The following LIPC variants were observed in gnomAD, a reference collection of about 807,000 sequenced individuals.
The protein encoded by LIPC is hepatic triacylglycerol lipase.
LIPC carries 44 observed loss-of-function variants against 50.7 expected under a neutral mutation model. The observed-to-expected ratio is 0.87, with a 90% CI of 0.68 to 1.11. LIPC has a LOEUF of 1.11. Ranked by LOEUF, LIPC falls within the 50% of genes most tolerant of loss-of-function variation. LIPC has a pLI of 0.00. For missense variants in LIPC, 697 were observed against 648.2 expected (o/e 1.08, Z -0.82); for synonymous variants, 271 against 256.4 (o/e 1.06, Z -0.54).
At chr15:58,541,567 G>C (rs1328943204) in intron 2 of LIPC, among the ~76,000 whole-genome samples, 2 of 152,022 alleles carry the variant, frequency 1.3e-5, no homozygotes, top group Non-Finnish European at 2.9e-5. Flanking sequence ...GGTGTTGCTG[G>C]CATCTAGTTG....
At chr15:58,482,954 C>G (rs1204205828) in intron 1 of LIPC, among the ~76,000 whole-genome samples, 3 of 152,174 alleles carry the variant, frequency 2.0e-5, no homozygotes, top group African/African-American at 4.8e-5. Flanking sequence ...GGCCCAGAAC[C>G]TGGCCAGCCT....
rs1488301524 is a variant in LIPC, at chr15:58,567,328, T to TATATAC, written c.1389-1383_1389-1382insCATATA. Among the ~76,000 whole-genome samples the TATATAC allele has an allele frequency of 4.7e-3, 155 of 33,062 alleles. 6 individuals are homozygous for TATATAC. Among genetic ancestry groups the TATATAC allele is most frequent in the Middle Eastern group, 0.012 (1 of 84 alleles). 21.7% of individuals were successfully genotyped at this position (33,062 alleles called of 152,430 possible). A position where few individuals can be genotyped will look rare whatever the true frequency, so the allele number is the denominator to read the frequency against. On this transcript the variant is annotated intron_variant, in intron 8 of 8. Coordinates refer to ENST00000299022, the MANE Select transcript of LIPC (RefSeq NM_000236.3). ...ATACATATATATGTATATGTGTATA[T>TATATAC]ATATATATATGTATATGTATATATA...
chr15:58,527,524 G>A (rs1167956821), intron 1 of LIPC, among the ~76,000 whole-genome samples: 1 of 152,148 alleles, frequency 6.6e-6, no homozygotes, highest in Non-Finnish European at 1.5e-5. Context: ...ATTATCTGAG[G>A]AGCTGGCGGT....
At chr15:58,442,639 A>G (rs750429086) in intron 1 of LIPC, among the ~76,000 whole-genome samples, 6 of 152,252 alleles carry the variant, frequency 3.9e-5, no homozygotes, top group Non-Finnish European at 8.8e-5. Context: ...ATGTCAATGA[A>G]TCCAGAAAAA....
chr15:58,567,305 ACATATATATGTATATGTG>A (rs1157698735), intron 8 of LIPC, among the ~76,000 whole-genome samples: 875 of 45,300 alleles, frequency 0.019, 14 homozygotes, highest in African/African-American at 0.057. Flanking sequence ...ATATATATAT[ACATATATATGTATATGTG>A]TATATATATA....
chr15:58,464,307 A>G (rs1894461506), intron 1 of LIPC, among the ~76,000 whole-genome samples: 1 of 152,300 alleles, frequency 6.6e-6, no homozygotes, highest in East Asian at 1.9e-4. Context: ...GTAGGTGGGT[A>G]GTGCCGCCTG....
intron 1 of LIPC, chr15:58,436,658 C>T (rs1893308389): frequency 4.4e-6 from 2 of 451,988 alleles, no homozygotes; most frequent in African/African-American, 4.0e-5. Context: ...ACCACTGAGT[C>T]ACATATGTAA....
chr15:58,464,473 T>A (rs1894467192), intron 1 of LIPC, among the ~76,000 whole-genome samples: 1 of 152,254 alleles, frequency 6.6e-6, no homozygotes, highest in Non-Finnish European at 1.5e-5. Flanking sequence ...TAAAGCATTT[T>A]ATTTAAAGCA....
chr15:58,508,851 C>CTT (rs61059869), intron 1 of LIPC, among the ~76,000 whole-genome samples: 1 of 148,046 alleles, frequency 6.8e-6, no homozygotes, highest in Non-Finnish European at 1.5e-5. Context: ...ATTCCTGCTA[C>CTT]TTTTTTTTTT....
intron 1 of LIPC, among the ~76,000 whole-genome samples, chr15:58,440,425 A>G (rs1245076741): frequency 8.5e-5 from 13 of 152,234 alleles, no homozygotes; most frequent in African/African-American, 3.1e-4. Context: ...TGGTAAGAAA[A>G]CAAACTGCTT....
intron 4 of LIPC, 57 bp downstream of exon 4, chr15:58,542,708 G>A: frequency 8.6e-7 from 1 of 1,163,440 alleles, no homozygotes; most frequent in East Asian, 2.4e-5. Context: ...CATCCAACAA[G>A]GACCTGCTTT....
At chr15:58,525,252 T>C (rs1442158965) in intron 1 of LIPC, among the ~76,000 whole-genome samples, 1 of 152,256 alleles carries the variant, frequency 6.6e-6, no homozygotes, top group African/African-American at 2.4e-5. Flanking sequence ...TTCTATCAAA[T>C]ACTGAATGCA....
chr15:58,478,177 T>C (rs1891062336), intron 1 of LIPC, among the ~76,000 whole-genome samples: 1 of 152,174 alleles, frequency 6.6e-6, no homozygotes, highest in East Asian at 1.9e-4. Flanking sequence ...TAAATAATAG[T>C]AGCTCACATT....
intron 1 of LIPC, among the ~76,000 whole-genome samples, chr15:58,496,218 G>T (rs1224299920): frequency 6.6e-6 from 1 of 152,120 alleles, no homozygotes; most frequent in Non-Finnish European, 1.5e-5. Context: ...GATGTTACTG[G>T]TATCTAGTGA....
At position 58,508,244 on chromosome 15, in the gene LIPC, G is replaced by A. The variant is rs79736785; in HGVS notation, c.89-30089G>A. Among the ~76,000 whole-genome samples the A allele has an allele frequency of 2.6e-5, 4 of 152,158 alleles. No homozygotes were observed. The East Asian group carries it at 7.7e-4, about 29-fold the overall frequency. On this transcript the variant is annotated intron_variant, in intron 1 of 8. Transcript: ENST00000299022. ...AGAGATGGGGTAGGGCCAAGGGTGG[G>A]GGGTAGGGAGTGAAGATCAGAGAGA...
At chr15:58,476,773 G>A (rs1327016573) in intron 1 of LIPC, among the ~76,000 whole-genome samples, 1 of 152,242 alleles carries the variant, frequency 6.6e-6, no homozygotes, top group Non-Finnish European at 1.5e-5. Context: ...AAACAAGCCA[G>A]AGAGCTCATT....
intron 1 of LIPC, among the ~76,000 whole-genome samples, chr15:58,451,820 T>G (rs1278827651): frequency 4.6e-5 from 7 of 152,148 alleles, no homozygotes; most frequent in African/African-American, 1.7e-4. Flanking sequence ...CCTGCCCTGC[T>G]CACACAGCTG....
intron 1 of LIPC, among the ~76,000 whole-genome samples, chr15:58,531,838 G>C (rs928545624): frequency 2.0e-5 from 3 of 152,110 alleles, no homozygotes; most frequent in Non-Finnish European, 4.4e-5. Flanking sequence ...AAAGCTATTT[G>C]TAAAGAATAG....
intron 6 of LIPC, among the ~76,000 whole-genome samples, chr15:58,553,631 C>G (rs1893833956): frequency 6.6e-6 from 1 of 152,172 alleles, no homozygotes; most frequent in Non-Finnish European, 1.5e-5. Context: ...AAGGGGCAAG[C>G]ATCCAGTCTC....
Sources: allele counts gnomAD v4.1 joint callset (sites outside exome capture counted in the v4.1 genomes callset), GRCh38; gene constraint gnomAD v4.1.1; transcripts MANE v1.5; gene names NCBI Gene and HGNC (gene_info 2026-07-23, HGNC 2026-07-21).